The following CD38 variants were observed in gnomAD, a reference collection of about 807,000 sequenced individuals.
The protein encoded by CD38 is ADP-ribosyl cyclase/cyclic ADP-ribose hydrolase 1.
CD38 carries 31 observed loss-of-function variants against 36.3 expected under a neutral mutation model. The ratio of observed to expected loss-of-function variants is 0.85; its 90% CI spans 0.64 to 1.15. CD38 has a LOEUF of 1.15. Among genes scored for constraint, CD38 ranks in the 50% most tolerant of loss-of-function variants. CD38 has a pLI of 0.00. For missense variants in CD38, 380 were observed against 371.9 expected, an observed-to-expected ratio of 1.02 and a Z score of -0.18; for synonymous variants, 131 against 135.2, an observed-to-expected ratio of 0.97 and a Z score of 0.22.
chr4:15,784,282 G>A (rs972380554), intron 1 of CD38, among the ~76,000 whole-genome samples: 5 of 152,174 alleles, frequency 3.3e-5, no homozygotes, highest in African/African-American at 1.2e-4. Context: ...CATGTGGTGG[G>A]GCAGAGTCAG....
chr4:15,782,233 A>G (rs547939551), intron 1 of CD38, among the ~76,000 whole-genome samples: 1 of 152,310 alleles, frequency 6.6e-6, no homozygotes, highest in South Asian at 2.1e-4. Flanking sequence ...CTTCCCTTCC[A>G]CAGATTCTAT....
intron 1 of CD38, among the ~76,000 whole-genome samples, chr4:15,800,632 G>A (rs527691830): frequency 6.6e-6 from 1 of 152,126 alleles, no homozygotes; most frequent in South Asian, 2.1e-4. Context: ...TAGGGTTTTT[G>A]TTTTGTACAA....
At position 15,816,539 on chromosome 4, in the gene CD38, G is replaced by A. The variant is rs550873533; in HGVS notation, c.262G>A (p.Ala88Thr). The A allele has an allele frequency of 1.2e-6, 2 of 1,613,342 alleles. No homozygotes were observed. The highest frequency in any genetic ancestry group is 1.1e-5 in the South Asian group (1 of 91,058). ...TGTAGACTGCCAAAGTGTATGGGAT[G>A]CTTTCAAGGGTGCATTTATTTCAAA... ...RHVDCQSVWD[A>T]FKGAFISKHP... The change falls in exon 2 of 8, where the codon GCT becomes ACT. Residue 88 changes from alanine (A) to threonine (T), a missense_variant. Physicochemically the swap from Ala to Thr is moderately conservative, Grantham distance 58 (BLOSUM62 0). Transcript: ENST00000226279.
chr4:15,814,018 C>T (rs765422658), intron 1 of CD38, among the ~76,000 whole-genome samples: 8 of 152,150 alleles, frequency 5.3e-5, no homozygotes, highest in Admixed American at 1.3e-4. Flanking sequence ...CTTGAGGAAT[C>T]GCCACACTAT....
chr4:15,806,540 T>C (rs895980746), intron 1 of CD38, among the ~76,000 whole-genome samples: 1 of 151,922 alleles, frequency 6.6e-6, no homozygotes, highest in Non-Finnish European at 1.5e-5. Context: ...CAGTGGCAGG[T>C]GGTGAATGCT....
intron 1 of CD38, among the ~76,000 whole-genome samples, chr4:15,806,246 T>G (rs1042824923): frequency 6.6e-6 from 1 of 152,216 alleles, no homozygotes; most frequent in Non-Finnish European, 1.5e-5. Context: ...TGTGCCCTAT[T>G]CTGGTCCTGA....
chr4:15,811,767 G>C (rs1723476353), intron 1 of CD38, among the ~76,000 whole-genome samples: 1 of 152,210 alleles, frequency 6.6e-6, no homozygotes, highest in African/African-American at 2.4e-5. Flanking sequence ...GCTCAAATCT[G>C]TCTCCCCTTC....
intron 2 of CD38, among the ~76,000 whole-genome samples, chr4:15,819,426 C>T (rs1158121690): frequency 1.3e-5 from 2 of 150,586 alleles, no homozygotes; most frequent in Non-Finnish European, 2.9e-5. Flanking sequence ...AAGTAGGCTT[C>T]AGAAGATGCA....
At position 15,778,587 on chromosome 4, in the gene CD38, G is replaced by C; in HGVS notation, c.173G>C (p.Arg58Pro). 6.2e-7 allele frequency: 1 copy of C among 1,613,640 alleles called. No homozygotes were observed. The highest frequency in any genetic ancestry group is 8.5e-7 in the Non-Finnish European group (1 of 1,180,000). The change falls in exon 1 of 8, where the codon CGC (arginine) becomes CCC (proline). Residue 58 changes from arginine (R) to proline (P), a missense_variant. Coordinates refer to ENST00000226279, the MANE Select transcript of CD38 (RefSeq NM_001775.4). The surrounding 1 kb of genome is among the most constrained non-coding windows in gnomAD (Gnocchi z 4.9). The stretch of plus-strand genomic sequence containing the variant: ...TGGAGCGGTCCGGGCACCACCAAGC[G>C]CTTTCCCGAGACCGTCCTGGCGCGA... Reference protein sequence around the residue: ...QQWSGPGTTKRFPETVLARCV... With the variant: ...QQWSGPGTTKPFPETVLARCV...
intron 1 of CD38, among the ~76,000 whole-genome samples, chr4:15,790,465 C>T (rs1231059251): frequency 6.6e-6 from 1 of 151,996 alleles, no homozygotes; most frequent in African/African-American, 2.4e-5. Context: ...GACGGAGTCT[C>T]GTTCACTCGG....
intron 1 of CD38, among the ~76,000 whole-genome samples, chr4:15,780,509 TTC>T (rs1303989680): frequency 1.5e-3 from 182 of 122,758 alleles, no homozygotes; most frequent in Admixed American, 2.7e-3. Flanking sequence ...TTAGATAATA[TTC>T]TCTCTCTCAC....
At chr4:15,804,544 G>A (rs893262060) in intron 1 of CD38, among the ~76,000 whole-genome samples, 10 of 152,120 alleles carry the variant, frequency 6.6e-5, no homozygotes, top group Admixed American at 3.3e-4. Flanking sequence ...AACAGATGAA[G>A]AGATAAAGAA....
Position 15,816,639 on chromosome 4 carries a change from A to T in CD38, c.362A>T (p.Lys121Met). 6.2e-7 allele frequency: 1 copy of T among 1,613,790 alleles called. No homozygotes were observed. Among genetic ancestry groups the T allele is most frequent in the South Asian group, 1.1e-5 (1 of 91,066 alleles). ...GGAACTCAGACCGTACCTTGCAACA[A>T]GGTAATTGGGGGCATGCCATTGATT... is the stretch of plus-strand genomic sequence containing the variant. The part of the protein sequence containing the change: ...KLGTQTVPCN[K>M]ILLWSRIKDL... Residue 121 changes from lysine to methionine, a missense_variant and splice_region_variant, in exon 2 of 8, where the codon AAG becomes ATG. Coordinates refer to ENST00000226279, the MANE Select transcript of CD38 (RefSeq NM_001775.4).
intron 3 of CD38, among the ~76,000 whole-genome samples, chr4:15,832,668 G>A (rs1256476135): frequency 6.6e-6 from 1 of 152,154 alleles, no homozygotes; most frequent in Non-Finnish European, 1.5e-5. Context: ...CTAGGACTTT[G>A]CTGGGTAAGA....
intron 4 of CD38, among the ~76,000 whole-genome samples, chr4:15,837,803 T>C (rs994235066): frequency 2.6e-5 from 4 of 152,182 alleles, no homozygotes; most frequent in African/African-American, 9.7e-5. Context: ...GACATTCCTC[T>C]TACTCCTCTG....
At chr4:15,830,116 C>T (rs1051124905) in intron 3 of CD38, among the ~76,000 whole-genome samples, 3 of 152,138 alleles carry the variant, frequency 2.0e-5, no homozygotes, top group Admixed American at 2.0e-4. Context: ...CCAGCAGTGG[C>T]ATTGCTGGAT....
intron 7 of CD38, among the ~76,000 whole-genome samples, 160 bp from the exon 8 acceptor site, chr4:15,848,379 G>T (rs1289032853): frequency 9.2e-5 from 14 of 152,136 alleles, no homozygotes; most frequent in Admixed American, 9.2e-4. Context: ...GGCATGGATA[G>T]CTCCCCTCCC....
chr4:15,832,876 T>A (rs912101265), intron 3 of CD38, among the ~76,000 whole-genome samples: 2 of 151,836 alleles, frequency 1.3e-5, no homozygotes, highest in African/African-American at 2.4e-5. Context: ...GGGACTAGAG[T>A]AAAAAACCTT....
chr4:15,824,248 A>G (rs1305062219), intron 2 of CD38, among the ~76,000 whole-genome samples: 1 of 152,176 alleles, frequency 6.6e-6, no homozygotes, highest in African/African-American at 2.4e-5. Context: ...CCCATGGCAC[A>G]TATTTACCTA....
Sources: gnomAD v4.1 joint callset for allele counts (sites outside exome capture counted in the v4.1 genomes callset) on GRCh38, gnomAD v4.1.1 for gene constraint, Gnocchi (gnomAD v3.1) non-coding constraint, MANE v1.5 for transcripts, NCBI Gene and HGNC (gene_info 2026-07-23, HGNC 2026-07-21) for gene names.